LAMA3: variants seen among roughly 807,000 people sequenced by gnomAD.
LAMA3 encodes the protein laminin subunit alpha-3.
Under a neutral mutation model 402.0 loss-of-function variants are expected in LAMA3, and 281 were observed. The ratio of observed to expected loss-of-function variants is 0.70; its 90% CI spans 0.63 to 0.77. The LOEUF (loss-of-function observed/expected upper bound fraction) is 0.77, where lower values mean the gene tolerates loss of function less well. LAMA3 is among the 30% of genes least tolerant of loss of function. LAMA3 has a pLI of 0.00. For missense variants in LAMA3, 3,840 were observed against 4,215.5 expected (o/e 0.91, Z 2.47); for synonymous variants, 1,431 against 1,558.4 (o/e 0.92, Z 1.93).
intron 12 of LAMA3, among the ~76,000 whole-genome samples, chr18:23,802,281 T>C (rs1335699800): frequency 6.6e-6 from 1 of 152,240 alleles, no homozygotes; most frequent in Admixed American, 6.5e-5. Flanking sequence ...ACTGTATTTG[T>C]AACTACCTTC....
intron 7 of LAMA3, among the ~76,000 whole-genome samples, chr18:23,761,869 C>T (rs1156912951): frequency 6.6e-6 from 1 of 152,146 alleles, no homozygotes; most frequent in Non-Finnish European, 1.5e-5. Context: ...TGGTCTTTCA[C>T]AGTAATAAAT....
At chr18:23,738,698 G>A (rs1208235595) in intron 2 of LAMA3, among the ~76,000 whole-genome samples, 1 of 152,216 alleles carries the variant, frequency 6.6e-6, no homozygotes, top group Non-Finnish European at 1.5e-5. Flanking sequence ...AGCCTGGACA[G>A]GGGACTCAGG....
At chr18:23,793,521 C>A (rs2062702629) in intron 12 of LAMA3, among the ~76,000 whole-genome samples, 1 of 144,378 alleles carries the variant, frequency 6.9e-6, no homozygotes, top group African/African-American at 2.6e-5. Context: ...GAGAGGTGCT[C>A]AGCAGACGAC....
chr18:23,853,683 C>A (rs970030639), intron 32 of LAMA3, among the ~76,000 whole-genome samples: 1 of 152,206 alleles, frequency 6.6e-6, no homozygotes, highest in Non-Finnish European at 1.5e-5. Context: ...TGGCCAGGAG[C>A]CCCATTGCCA....
chr18:23,767,557 TTTTTC>T, intron 8 of LAMA3, among the ~76,000 whole-genome samples: 1 of 147,480 alleles, frequency 6.8e-6, no homozygotes, highest in South Asian at 2.1e-4. Flanking sequence ...GAAAGGACTT[TTTTTC>T]TTTTTTCTTT....
chr18:23,695,506 T>C (rs1248032967), intron 1 of LAMA3, among the ~76,000 whole-genome samples: 4 of 152,002 alleles, frequency 2.6e-5, no homozygotes, highest in Non-Finnish European at 5.9e-5. Flanking sequence ...TGAACAAATA[T>C]TTAGAGATCA....
In LAMA3 at chr18:23,884,898, G is replaced by A. The variant is rs778088619; in HGVS notation, c.5303+45G>A. ...CGCCTCAGCCTGCAGAGGGGGCGGG[G>A]AGGGCTGTGGGTGGGGCTGCCAGGT... is the stretch of plus-strand genomic sequence containing the variant. On this transcript the variant is annotated intron_variant, in intron 41 of 74. Coordinates refer to ENST00000313654, the MANE Select transcript of LAMA3 (RefSeq NM_198129.4). 277 of 1,495,166 alleles carry A rather than the reference G, an allele frequency of 1.9e-4. 3 individuals are homozygous for A. The South Asian group carries it at 3.1e-3, about 17-fold the overall frequency. 92.6% of individuals were successfully genotyped at this position (1,495,166 alleles called of 1,614,324 possible). A position where few individuals can be genotyped will look rare whatever the true frequency, so the allele number is the denominator to read the frequency against.
intron 37 of LAMA3, among the ~76,000 whole-genome samples, chr18:23,869,425 C>T (rs1203142220): frequency 6.6e-6 from 1 of 152,130 alleles, no homozygotes; most frequent in Non-Finnish European, 1.5e-5. Flanking sequence ...TACAAATTGA[C>T]ACAAGGGTTC....
chr18:23,842,260 T>C (rs1361702869), intron 27 of LAMA3, 135 bp from the exon 28 acceptor site: 72 of 1,064,570 alleles, frequency 6.8e-5, no homozygotes, highest in East Asian at 2.4e-5. Flanking sequence ...TGGGTGAAGA[T>C]GGGTTGTCAT....
At position 23,775,313 on chromosome 18, in the gene LAMA3, T is replaced by TA. The variant is rs367815196; in HGVS notation, c.1274-478dup. Among the ~76,000 whole-genome samples the TA allele has an allele frequency of 5.3e-5, 8 of 152,354 alleles. No individual in the cohort carries two copies. In the East Asian group the frequency reaches 1.5e-3, roughly 29 times the overall value. ...ATTTCACTCAGATTAACATTTTTTT[T>TA]ATGGGTCTTGGTCTGCTGTCCACAG... On this transcript the variant is annotated intron_variant, in intron 9 of 74. Coordinates refer to ENST00000313654, the MANE Select transcript of LAMA3 (RefSeq NM_198129.4).
rs933310683 is a variant in LAMA3, at chr18:23,903,698, A to T, written c.6319-235A>T. 5.8e-4 allele frequency among the ~76,000 whole-genome samples: 88 copies of T among 152,234 alleles called. 1 individual carries two copies. Among genetic ancestry groups the T allele is most frequent in the Non-Finnish European group, 1.2e-3 (79 of 68,040 alleles). Reference sequence around the variant, plus strand: ...ATAACATTGTGCTTTTGTAAAGGTTACTAAAGGGTTTCTCACCATAATGAG... The same window carrying T: ...ATAACATTGTGCTTTTGTAAAGGTTTCTAAAGGGTTTCTCACCATAATGAG... On this transcript the variant is annotated intron_variant, in intron 49 of 74. Coordinates refer to ENST00000313654, the MANE Select transcript of LAMA3 (RefSeq NM_198129.4).
rs1233724763 is a variant in LAMA3 at position 23,839,986 on chromosome 18, A to T, written c.3336+57A>T. ...AAAGTATGACCTCTGAAGCAGCAGC[A>T]TCCACATCACTTGGAAACTTGTCAG... On this transcript the variant is annotated intron_variant, in intron 27 of 74. Transcript: ENST00000313654. This position sits in a 1 kb window ranked among gnomAD's most constrained non-coding sequence, Gnocchi z 4.5. 1.3e-6 allele frequency: 2 copies of T among 1,574,612 alleles called. No homozygotes were observed. Among genetic ancestry groups the T allele is most frequent in the African/African-American group, 1.3e-5 (1 of 74,218 alleles).
intron 42 of LAMA3, among the ~76,000 whole-genome samples, chr18:23,890,687 T>C (rs2080630045): frequency 6.6e-6 from 1 of 152,176 alleles, no homozygotes; most frequent in South Asian, 2.1e-4. Flanking sequence ...ATCAGGAAAA[T>C]GCTATTGATG....
chr18:23,949,522 C>T (rs549761745), intron 70 of LAMA3, among the ~76,000 whole-genome samples: 3 of 152,120 alleles, frequency 2.0e-5, no homozygotes, highest in African/African-American at 2.4e-5. Context: ...TTTGGTGGCA[C>T]CTGCAATCTT....
intron 1 of LAMA3, among the ~76,000 whole-genome samples, chr18:23,709,310 C>A (rs1378955243): frequency 6.6e-6 from 1 of 151,754 alleles, no homozygotes. Flanking sequence ...TGGGCTCAAG[C>A]AATCTGCCCA....
chr18:23,880,549 T>G (rs1433565355), intron 39 of LAMA3, among the ~76,000 whole-genome samples: 1 of 152,198 alleles, frequency 6.6e-6, no homozygotes, highest in East Asian at 1.9e-4. Flanking sequence ...AAACGTATAT[T>G]GCTTTTCCCA....
Position 23,931,169 on chromosome 18 carries a change from G to A in LAMA3, c.8544G>A (p.Leu2848=). 2 of 1,612,976 alleles carry A rather than the reference G, an allele frequency of 1.2e-6. No homozygotes were observed. Among genetic ancestry groups the A allele is most frequent in the Non-Finnish European group, 1.7e-6 (2 of 1,178,902 alleles). Residue 2848 remains leucine, a synonymous_variant, in exon 65 of 75, where the codon CTG becomes CTA. Transcript: ENST00000313654. ...KSPQTYMDGL[L]HYVSVISDNS... Reference sequence around the variant, plus strand: ...CACAGACGTATATGGATGGTTTACTGCATTATGTATCTGTAATAAGCGACA... The same window carrying A: ...CACAGACGTATATGGATGGTTTACTACATTATGTATCTGTAATAAGCGACA...
intron 55 of LAMA3, 114 bp downstream of exon 55, chr18:23,909,409 C>A: frequency 1.0e-6 from 1 of 992,080 alleles, no homozygotes; most frequent in Non-Finnish European, 1.6e-6. Context: ...CTTTCTTTCC[C>A]CAATTCTTGT....
At position 23,845,110 on chromosome 18, in the gene LAMA3, C is replaced by A. The variant is rs774985472; in HGVS notation, c.3705C>A (p.Asn1235Lys). 11 of 1,593,082 alleles carry A rather than the reference C, an allele frequency of 6.9e-6. No individual in the cohort carries two copies. The highest frequency in any genetic ancestry group is 5.5e-5 in the South Asian group (5 of 90,686). ...AGTTTATCACCAATTGTGGAAAAAA[C>A]AGCTTTTACCTTGAGTGAGTATCAC... ...SLEFITNCGK[N>K]SFYLDPQTAS... Residue 1235 changes from asparagine to lysine, a missense_variant, in exon 30 of 75, where the codon AAC becomes AAA. By Grantham distance (94) the Asn-to-Lys change is moderately conservative (BLOSUM62 0). Coordinates refer to ENST00000313654, the MANE Select transcript of LAMA3 (RefSeq NM_198129.4).
Sources: allele counts gnomAD v4.1 joint callset (sites outside exome capture counted in the v4.1 genomes callset), GRCh38; gene constraint gnomAD v4.1.1; non-coding constraint Gnocchi (gnomAD v3.1); transcripts MANE v1.5; gene names NCBI Gene and HGNC (gene_info 2026-07-23, HGNC 2026-07-21).